CREBBP: variants seen among roughly 807,000 people sequenced by gnomAD.
CREBBP encodes the protein CREB binding lysine acetyltransferase.
A neutral mutation model predicts 265.0 loss-of-function variants in CREBBP; 19 were observed. The observed-to-expected ratio is 0.07, with a 90% CI of 0.05 to 0.11. The LOEUF (loss-of-function observed/expected upper bound fraction) is 0.11, where lower values mean the gene tolerates loss of function less well. Among genes scored for constraint, CREBBP ranks in the 10% least tolerant of loss-of-function variants. The pLI, the probability that CREBBP is intolerant of heterozygous loss-of-function variation, is 1.00. For synonymous variants in CREBBP, 1,457 were observed against 1,223.7 expected, an observed-to-expected ratio of 1.19 and a Z score of -3.98; for missense variants, 2,525 against 3,219.0, an observed-to-expected ratio of 0.78 and a Z score of 5.22.
At chr16:3,769,419 G>A in intron 14 of CREBBP, 66 bp from the exon 15 acceptor site, 1 of 1,574,928 alleles carries the variant, frequency 6.3e-7, no homozygotes, top group Non-Finnish European at 8.7e-7. Flanking sequence ...CAACTATGCT[G>A]CTCATGCAAC....
At position 3,731,644 on chromosome 16, in the gene CREBBP, C is replaced by A. The variant is rs1025567444; in HGVS notation, c.4890+132G>T. On this transcript the variant is annotated intron_variant, in intron 29 of 30. Transcript: ENST00000262367. This position sits in a 1 kb window ranked among gnomAD's most constrained non-coding sequence, Gnocchi z 7.7. Reference sequence around the variant, plus strand: ...TGACACGTTGCATGATGTCACCCAACTGGTCCACTTGGTTTCCTGGGGGCC... The same window carrying A: ...TGACACGTTGCATGATGTCACCCAAATGGTCCACTTGGTTTCCTGGGGGCC... 6 of 1,428,754 alleles carry A rather than the reference C, an allele frequency of 4.2e-6. No homozygotes were observed. The African/African-American group carries it at 8.4e-5, about 20-fold the overall frequency. The allele number at this position is 1,428,754 out of a possible 1,614,324, so 88.5% of individuals were successfully genotyped here. A position where few individuals can be genotyped will look rare whatever the true frequency, so the allele number is the denominator to read the frequency against.
intron 1 of CREBBP, among the ~76,000 whole-genome samples, chr16:3,870,786 C>T (rs1328843972): frequency 6.6e-6 from 1 of 152,130 alleles, no homozygotes; most frequent in African/African-American, 2.4e-5. Context: ...TACAATTAAA[C>T]AATAAAAACA....
At chr16:3,808,066 GAGA>G (rs1204513445) in intron 3 of CREBBP, among the ~76,000 whole-genome samples, 1 of 144,658 alleles carries the variant, frequency 6.9e-6, no homozygotes, top group Non-Finnish European at 1.5e-5. Context: ...AGTTTACCCT[GAGA>G]AGATCAGAGA....
chr16:3,751,775 T>C lies in CREBBP; in HGVS notation c.3730A>G (p.Ile1244Val). The change falls in exon 20 of 31, where the codon ATC becomes GTC. Residue 1244 changes from isoleucine (I) to valine (V), a missense_variant. Physicochemically the swap from Ile to Val is conservative, Grantham distance 29 (BLOSUM62 3). Coordinates refer to ENST00000262367, the MANE Select transcript of CREBBP (RefSeq NM_004380.3). ...YHFCEKCFTE[I>V]QGENVTLGDD... Reference sequence around the variant, plus strand: ...CCCAGGGTCACATTCTCGCCCTGGATCTCTGTGAAACACTTCTCACAGAAA... The same window carrying C: ...CCCAGGGTCACATTCTCGCCCTGGACCTCTGTGAAACACTTCTCACAGAAA... 3 of 1,614,048 alleles carry C rather than the reference T, an allele frequency of 1.9e-6. No homozygotes were observed. Among genetic ancestry groups the C allele is most frequent in the Middle Eastern group, 1.6e-4 (1 of 6,062 alleles).
chr16:3,834,341 T>C (rs116760583), intron 2 of CREBBP, among the ~76,000 whole-genome samples: 2,000 of 152,234 alleles, frequency 0.013, 43 homozygotes, highest in African/African-American at 0.045. Flanking sequence ...TTGCCAAAAC[T>C]TGGAAGCAAC....
intron 6 of CREBBP, 108 bp downstream of exon 6, chr16:3,782,576 C>A: frequency 7.1e-7 from 1 of 1,411,540 alleles, no homozygotes. Context: ...TTTCAACCAC[C>A]GTAGTAAAAA....
At chr16:3,786,852 C>A (rs1413345328) in intron 5 of CREBBP, among the ~76,000 whole-genome samples, 2 of 152,064 alleles carry the variant, frequency 1.3e-5, no homozygotes, top group African/African-American at 4.8e-5. Flanking sequence ...GTGGGGAGAT[C>A]ACCTGAGGTC....
At chr16:3,876,642 G>A (rs1312203121) in intron 1 of CREBBP, among the ~76,000 whole-genome samples, 1 of 152,136 alleles carries the variant, frequency 6.6e-6, no homozygotes, top group South Asian at 2.1e-4. Context: ...CCTCATGTAT[G>A]AGAAAGTGTA....
At position 3,740,663 on chromosome 16, in the gene CREBBP, A is replaced by G. The variant is rs770675376; in HGVS notation, c.3983-114T>C. On this transcript the variant is annotated intron_variant, in intron 23 of 30. Coordinates refer to ENST00000262367, the MANE Select transcript of CREBBP (RefSeq NM_004380.3). ...CACAGGCTGATATTTTAAAGGACTA[A>G]TGTTCTCCAAACACGGAAGAAATCT... 4.1e-4 allele frequency: 489 copies of G among 1,205,234 alleles called. 1 individual carries two copies. The highest frequency in any genetic ancestry group is 5.7e-4 in the Non-Finnish European group (469 of 827,202). 74.7% of individuals were successfully genotyped at this position (1,205,234 alleles called of 1,614,324 possible). A position where few individuals can be genotyped will look rare whatever the true frequency, so the allele number is the denominator to read the frequency against.
intron 30 of CREBBP, among the ~76,000 whole-genome samples, chr16:3,730,955 A>G (rs1376361155): frequency 6.6e-6 from 1 of 152,256 alleles, no homozygotes; most frequent in Non-Finnish European, 1.5e-5. Flanking sequence ...CAGACTTCCC[A>G]GCAGAGCCTC....
chr16:3,738,223 T>C (rs939558572), intron 26 of CREBBP, among the ~76,000 whole-genome samples: 1 of 151,670 alleles, frequency 6.6e-6, no homozygotes, highest in Non-Finnish European at 1.5e-5. Context: ...CTTGTGATAG[T>C]TGCACTAATG....
Position 3,731,602 on chromosome 16 carries a change from G to C in CREBBP, c.4891-129C>G. The C allele has an allele frequency of 1.4e-6, 2 of 1,419,882 alleles. No individual in the cohort carries two copies. Among genetic ancestry groups the C allele is most frequent in the Non-Finnish European group, 2.0e-6 (2 of 1,023,794 alleles). The allele number at this position is 1,419,882 out of a possible 1,614,324, so 88.0% of individuals were successfully genotyped here. A position where few individuals can be genotyped will look rare whatever the true frequency, so the allele number is the denominator to read the frequency against. On this transcript the variant is annotated intron_variant, in intron 29 of 30. Transcript: ENST00000262367. The surrounding 1 kb of genome is among the most constrained non-coding windows in gnomAD (Gnocchi z 7.7). ...TGAGCCTGATGGCCCTGATGCCTTG[G>C]GATGGAACAAAATTGGTGACACGTT... is the stretch of plus-strand genomic sequence containing the variant.
At chr16:3,734,338 C>T (rs2051995669) in intron 28 of CREBBP, among the ~76,000 whole-genome samples, 1 of 152,168 alleles carries the variant, frequency 6.6e-6, no homozygotes, top group Non-Finnish European at 1.5e-5. Context: ...ATGAACCAAA[C>T]ACACAAGGGA....
At chr16:3,869,585 C>A (rs545227523) in intron 1 of CREBBP, among the ~76,000 whole-genome samples, 7 of 152,276 alleles carry the variant, frequency 4.6e-5, no homozygotes, top group African/African-American at 1.7e-4. Context: ...ATGTGGCTAT[C>A]TTCATTTACT....
Position 3,744,930 on chromosome 16 carries a change from C to T in CREBBP, c.3946G>A (p.Gly1316Ser), listed in dbSNP as rs776643295. ...FVCDNCLKKT[G>S]RPRKENKFSA... ...AATTTGTTTTCTTTTCGAGGTCTGC[C>T]AGTTTTCTTCAAGCAGTTGTCGCAC... Residue 1316 changes from glycine (G) to serine (S), a missense_variant, in exon 23 of 31, where the codon GGC becomes AGC. This residue lies in a region of CREBBP where 252 missense variants were observed against 452.5 expected (regional missense o/e 0.56). Transcript: ENST00000262367. The T allele has an allele frequency of 6.2e-7, 1 of 1,614,044 alleles. No homozygotes were observed. The highest frequency in any genetic ancestry group is 1.6e-4 in the Middle Eastern group (1 of 6,062).
chr16:3,761,520 G>A (rs190111428), intron 16 of CREBBP: 18 of 518,252 alleles, frequency 3.5e-5, no homozygotes, highest in Admixed American at 1.9e-4. Flanking sequence ...GAAAACAGGC[G>A]CACCAAGAAC....
At chr16:3,761,672 GACGCAGCACTCCCC>G (rs1320828666) in intron 16 of CREBBP, 1 of 488,736 alleles carries the variant, frequency 2.0e-6, no homozygotes, top group Non-Finnish European at 4.0e-6. Flanking sequence ...TAAAAACCCC[GACGCAGCACTCCCC>G]ACGCACACGG....
intron 3 of CREBBP, among the ~76,000 whole-genome samples, chr16:3,809,547 A>T (rs780854548): frequency 6.6e-6 from 1 of 152,124 alleles, no homozygotes; most frequent in Non-Finnish European, 1.5e-5. Flanking sequence ...CATTATTCCC[A>T]TTTCCTGATT....
At chr16:3,843,612 G>A (rs1259116185) in intron 2 of CREBBP, among the ~76,000 whole-genome samples, 1 of 150,646 alleles carries the variant, frequency 6.6e-6, no homozygotes, top group Non-Finnish European at 1.5e-5. Flanking sequence ...TTAAAGATAG[G>A]GTCTCCCTAT....
Sources: allele counts gnomAD v4.1 joint callset (sites outside exome capture counted in the v4.1 genomes callset), GRCh38; gene constraint gnomAD v4.1.1; regional missense constraint gnomAD v4.1.1; non-coding constraint Gnocchi (gnomAD v3.1); transcripts MANE v1.5; gene names NCBI Gene and HGNC (gene_info 2026-07-23, HGNC 2026-07-21).